Variants in SEC14L2 observed in about 807,000 individuals in gnomAD.
SEC14L2 encodes the protein SEC14 like lipid binding 2.
Under a neutral mutation model 56.9 loss-of-function variants are expected in SEC14L2, and 50 were observed. The ratio of observed to expected loss-of-function variants is 0.88; its 90% CI spans 0.70 to 1.11. The LOEUF is 1.11. SEC14L2 is among the 50% of genes most tolerant of loss of function. The pLI, the probability that SEC14L2 is intolerant of heterozygous loss-of-function variation, is 0.00. For synonymous variants in SEC14L2, 179 were observed against 188.5 expected, an observed-to-expected ratio of 0.95 and a Z score of 0.41; for missense variants, 414 against 500.7, an observed-to-expected ratio of 0.83 and a Z score of 1.65.
At chr22:30,401,595 C>A (rs1933937321) in intron 2 of SEC14L2, among the ~76,000 whole-genome samples, 1 of 151,778 alleles carries the variant, frequency 6.6e-6, no homozygotes, top group Non-Finnish European at 1.5e-5. Flanking sequence ...CTCACTGCAA[C>A]CTCCACCTCC....
At position 30,410,670 on chromosome 22, in the gene SEC14L2, G is replaced by A. The variant is rs1239243024; in HGVS notation, c.655G>A (p.Val219Ile). The A allele has an allele frequency of 5.6e-6, 9 of 1,613,962 alleles. No individual in the cohort carries two copies. The highest frequency in any genetic ancestry group is 1.1e-5 in the South Asian group (1 of 91,086). Residue 219 changes from valine (V) to isoleucine (I), a missense_variant, in exon 8 of 12, where the codon GTC becomes ATC. Transcript: ENST00000615189. Reference protein sequence around the residue: ...LSEDTRKKIMVLGANWKEVLL... With the variant: ...LSEDTRKKIMILGANWKEVLL... ...TGAGGACACTCGTAAGAAGATCATGGTCCTGGGAGGTAAGTGGTCCAGACT... is the reference window on the plus strand; with the variant it reads ...TGAGGACACTCGTAAGAAGATCATGATCCTGGGAGGTAAGTGGTCCAGACT...
At chr22:30,401,862 G>A (rs1191780663) in intron 2 of SEC14L2, among the ~76,000 whole-genome samples, 3 of 152,042 alleles carry the variant, frequency 2.0e-5, no homozygotes, top group Admixed American at 6.5e-5. Flanking sequence ...GAGTAGCTTG[G>A]CCTACAGGTA....
intron 11 of SEC14L2, chr22:30,420,401 T>G (rs1934486184): frequency 6.6e-6 from 1 of 152,284 alleles, no homozygotes; most frequent in Non-Finnish European, 1.5e-5. Flanking sequence ...ATGACTCCAC[T>G]TCCCTCTGGC....
At chr22:30,419,352 G>T (rs1934459164) in intron 11 of SEC14L2, among the ~76,000 whole-genome samples, 1 of 152,238 alleles carries the variant, frequency 6.6e-6, no homozygotes, top group African/African-American at 2.4e-5. Context: ...AACAGTTCGA[G>T]ACCAGCCTGG....
intron 1 of SEC14L2, among the ~76,000 whole-genome samples, 193 bp downstream of exon 1, chr22:30,397,363 GAAGTTTGGCCACCCCCCGCCC>G (rs1269703280): frequency 6.6e-6 from 1 of 152,236 alleles, no homozygotes; most frequent in Admixed American, 6.5e-5. Flanking sequence ...GAGGTCCCAG[GAAGTTTGGCCACCCCCCGCCC>G]AAGCTCTGAG....
intron 6 of SEC14L2, 68 bp downstream of exon 6, chr22:30,409,350 C>T: frequency 6.2e-7 from 1 of 1,602,672 alleles, no homozygotes; most frequent in Non-Finnish European, 8.5e-7. Flanking sequence ...CTCTCCTAGG[C>T]TGTCCTGTGG....
intron 1 of SEC14L2, chr22:30,397,423 G>A: frequency 2.1e-6 from 1 of 482,292 alleles, no homozygotes; most frequent in East Asian, 3.6e-5. Flanking sequence ...CTGGGGACAA[G>A]TGGTTGCTTG....
At chr22:30,417,963 G>A (rs1376244219) in intron 11 of SEC14L2, among the ~76,000 whole-genome samples, 1 of 152,102 alleles carries the variant, frequency 6.6e-6, no homozygotes, top group Non-Finnish European at 1.5e-5. Context: ...GAGCAGCCGG[G>A]TCCTGGGGGA....
chr22:30,401,091 TTTTAA>T (rs1027681242), intron 2 of SEC14L2, among the ~76,000 whole-genome samples: 3 of 151,494 alleles, frequency 2.0e-5, no homozygotes, highest in African/African-American at 4.8e-5. Context: ...ATTATTTTAA[TTTTAA>T]TTTCTTTTTT....
At chr22:30,418,931 G>C (rs908399601) in intron 11 of SEC14L2, among the ~76,000 whole-genome samples, 20 of 152,224 alleles carry the variant, frequency 1.3e-4, no homozygotes, top group Non-Finnish European at 1.5e-4. Context: ...CCTTATCCCA[G>C]TGCACTAAAT....
intron 2 of SEC14L2, among the ~76,000 whole-genome samples, chr22:30,401,186 GATTT>G (rs55835116): frequency 0.12 from 18,038 of 146,308 alleles, 1,274 homozygotes; most frequent in Non-Finnish European, 0.16. Context: ...GGTCTCAAGT[GATTT>G]ATTTATTTAT....
chr22:30,405,218 G>A (rs1934061088), intron 2 of SEC14L2, among the ~76,000 whole-genome samples: 1 of 152,150 alleles, frequency 6.6e-6, no homozygotes, highest in Admixed American at 6.5e-5. Context: ...CAAGCTGTGG[G>A]GCTTCGTAAA....
In SEC14L2 at chr22:30,399,635, C is replaced by G; in HGVS notation, c.55-8C>G. 1.9e-6 allele frequency: 3 copies of G among 1,611,594 alleles called. No individual in the cohort carries two copies. The highest frequency in any genetic ancestry group is 2.5e-6 in the Non-Finnish European group (3 of 1,178,414). On this transcript the variant is annotated splice_region_variant and splice_polypyrimidine_tract_variant and intron_variant, in intron 1 of 11. Transcript: ENST00000615189. The stretch of plus-strand genomic sequence containing the variant: ...CCCTACCACTCACCCCGATGCCTCT[C>G]CCTACAGTTTCGGGAGAATGTCCAG...
intron 1 of SEC14L2, chr22:30,397,877 C>T (rs1933802937): frequency 2.1e-6 from 1 of 471,000 alleles, no homozygotes. Flanking sequence ...GAAGGTGAGC[C>T]TGGCTTTGCC....
Position 30,416,325 on chromosome 22 carries a change from G to A in SEC14L2, c.1003G>A (p.Glu335Lys). The A allele has an allele frequency of 3.1e-6, 5 of 1,614,228 alleles. No individual in the cohort carries two copies. The highest frequency in any genetic ancestry group is 3.4e-6 in the Non-Finnish European group (4 of 1,180,020). The change falls in exon 11 of 12, where the codon GAG becomes AAG. Residue 335 changes from glutamate to lysine, a missense_variant. Coordinates refer to ENST00000615189, the MANE Select transcript of SEC14L2 (RefSeq NM_012429.5). ...GAGGCAGCGGGCAGGGGAGATGACA[G>A]AGGTGCTGCCCAACCAGAGGTACAA... ...GERQRAGEMT[E>K]VLPNQRYNSH... is the part of the protein sequence containing the mutation.
chr22:30,425,124 T>G lies in SEC14L2; in HGVS notation c.*2717T>G, dbSNP rs1934634257. 3 of 222,522 alleles carry G rather than the reference T, an allele frequency of 1.3e-5. No homozygotes were observed. In the South Asian group the frequency reaches 1.5e-4, roughly 11 times the overall value. 13.8% of individuals were successfully genotyped at this position (222,522 alleles called of 1,614,324 possible). On this transcript the variant is annotated 3_prime_UTR_variant, in exon 12 of 12. Coordinates refer to ENST00000615189, the MANE Select transcript of SEC14L2 (RefSeq NM_012429.5). ...ACACTGTTTGGATTCAAATCACAACTTCACCACTTAGCAGCTGTGTGTTCT... is the reference window on the plus strand; with the variant it reads ...ACACTGTTTGGATTCAAATCACAACGTCACCACTTAGCAGCTGTGTGTTCT...
chr22:30,425,052 C>T lies in SEC14L2; in HGVS notation c.*2645C>T, dbSNP rs370715298. The T allele has an allele frequency of 3.2e-4, 103 of 317,724 alleles. No individual in the cohort carries two copies. The highest frequency in any genetic ancestry group is 2.0e-3 in the African/African-American group (94 of 46,004). 19.7% of individuals were successfully genotyped at this position (317,724 alleles called of 1,614,324 possible). On this transcript the variant is annotated 3_prime_UTR_variant, in exon 12 of 12. Coordinates refer to ENST00000615189, the MANE Select transcript of SEC14L2 (RefSeq NM_012429.5). ...CCTCCCAGGGGCTCACCGTTCACTC[C>T]TCTAGCCTCATTTAGAGCTCGCATT...
intron 8 of SEC14L2, among the ~76,000 whole-genome samples, chr22:30,414,247 G>A (rs928386939): frequency 6.6e-6 from 1 of 152,222 alleles, no homozygotes; most frequent in Non-Finnish European, 1.5e-5. Flanking sequence ...TGAGCAAGAG[G>A]TTTTTATGAT....
chr22:30,400,094 G>A (rs1236625611), intron 2 of SEC14L2, among the ~76,000 whole-genome samples: 2 of 152,264 alleles, frequency 1.3e-5, no homozygotes, highest in African/African-American at 4.8e-5. Flanking sequence ...GTCGGAGGCA[G>A]AGCCAAGTGT....
Sources: allele counts gnomAD v4.1 joint callset (sites outside exome capture counted in the v4.1 genomes callset), GRCh38; gene constraint gnomAD v4.1.1; transcripts MANE v1.5; gene names NCBI Gene and HGNC (gene_info 2026-07-23, HGNC 2026-07-21).